Variants in EPHB1 observed in about 807,000 individuals in gnomAD.
The protein encoded by EPHB1 is EPH receptor B1, also known as ephrin type-B receptor 1.
Under a neutral mutation model 94.4 loss-of-function variants are expected in EPHB1, and 30 were observed. That is an observed-to-expected ratio of 0.32 (90% CI 0.24 to 0.43). The LOEUF is 0.43. Ranked by LOEUF, EPHB1 falls within the 20% of genes least tolerant of loss-of-function variation. The pLI is 1.00. For synonymous variants in EPHB1, 522 were observed against 489.1 expected (o/e 1.07, Z -0.89); for missense variants, 1,055 against 1,308.3 (o/e 0.81, Z 2.99).
Position 135,097,617 on chromosome 3 carries a change from C to A in EPHB1, c.806-8831C>A, listed in dbSNP as rs1435282548. On this transcript the variant is annotated intron_variant, in intron 3 of 15. Transcript: ENST00000398015. ...GCTACTGCTACTGCTGTCTGAACAA[C>A]TTAATAGCACAGTAAGTTACAGTCT... 3.3e-5 allele frequency among the ~76,000 whole-genome samples: 5 copies of A among 152,208 alleles called. No homozygotes were observed. The East Asian group carries it at 7.7e-4, about 23-fold the overall frequency.
chr3:134,930,719 A>G (rs1029819937), intron 2 of EPHB1, among the ~76,000 whole-genome samples: 1 of 151,558 alleles, frequency 6.6e-6, no homozygotes, highest in South Asian at 2.1e-4. Context: ...TGGCCTCCCT[A>G]CTCTGTTCCT....
At chr3:135,035,601 C>T (rs1936619154) in intron 3 of EPHB1, among the ~76,000 whole-genome samples, 1 of 152,102 alleles carries the variant, frequency 6.6e-6, no homozygotes, top group African/African-American at 2.4e-5. Flanking sequence ...CTTGGAATCC[C>T]ACCAGGACCC....
intron 2 of EPHB1, among the ~76,000 whole-genome samples, chr3:134,947,399 A>C (rs2039235381): frequency 6.6e-6 from 1 of 152,162 alleles, no homozygotes; most frequent in African/African-American, 2.4e-5. Context: ...TATTTCTTCA[A>C]CCCCTACAGA....
At chr3:134,814,520 G>T (rs1355251221) in intron 1 of EPHB1, among the ~76,000 whole-genome samples, 1 of 152,208 alleles carries the variant, frequency 6.6e-6, no homozygotes, top group African/African-American at 2.4e-5. Flanking sequence ...CTTCCTGGAG[G>T]AGGAGGTACC....
intron 5 of EPHB1, 134 bp from the exon 6 acceptor site, chr3:135,154,018 C>T: frequency 1.6e-6 from 2 of 1,241,008 alleles, no homozygotes; most frequent in Non-Finnish European, 1.1e-6. Flanking sequence ...TCTGCAGGTC[C>T]AGCTCAGCTG....
At chr3:135,013,098 A>G (rs955395066) in intron 3 of EPHB1, among the ~76,000 whole-genome samples, 1 of 152,222 alleles carries the variant, frequency 6.6e-6, no homozygotes, top group Non-Finnish European at 1.5e-5. Context: ...CCACCTTTAC[A>G]CTACTTACGA....
chr3:135,255,160 C>A (rs570910959), intron 15 of EPHB1, among the ~76,000 whole-genome samples: 1 of 151,848 alleles, frequency 6.6e-6, no homozygotes, highest in African/African-American at 2.4e-5. Flanking sequence ...TTTCAAAAAA[C>A]CAGCTCCTGG....
At chr3:134,859,401 A>T (rs4955507) in intron 1 of EPHB1, among the ~76,000 whole-genome samples, 3 of 152,184 alleles carry the variant, frequency 2.0e-5, no homozygotes, top group African/African-American at 7.2e-5. Context: ...GGGAGCAGAA[A>T]GAGATTTCTA....
chr3:134,866,145 A>C (rs562553582), intron 1 of EPHB1, among the ~76,000 whole-genome samples: 49 of 152,338 alleles, frequency 3.2e-4, no homozygotes, highest in Middle Eastern at 3.4e-3. Flanking sequence ...AGGGAAGGTC[A>C]GCCTTGGACA....
intron 15 of EPHB1, among the ~76,000 whole-genome samples, chr3:135,253,035 T>C (rs1348879527): frequency 5.3e-5 from 8 of 150,376 alleles, no homozygotes; most frequent in African/African-American, 1.7e-4. Flanking sequence ...TGTCTGTTCA[T>C]GTCCTTTGCC....
intron 1 of EPHB1, among the ~76,000 whole-genome samples, chr3:134,846,557 C>G (rs540287852): frequency 1.3e-5 from 2 of 152,276 alleles, no homozygotes; most frequent in Admixed American, 1.3e-4. Context: ...GATGCCTGTT[C>G]GGTGGTAAAA....
chr3:134,959,600 C>T (rs1306381573), intron 3 of EPHB1, among the ~76,000 whole-genome samples: 1 of 152,160 alleles, frequency 6.6e-6, no homozygotes, highest in Non-Finnish European at 1.5e-5. Context: ...GACTCCATGT[C>T]CACTATCACC....
At chr3:134,973,966 A>G (rs991100350) in intron 3 of EPHB1, among the ~76,000 whole-genome samples, 2 of 152,292 alleles carry the variant, frequency 1.3e-5, no homozygotes, top group South Asian at 4.1e-4. Flanking sequence ...CAAGAGGAGC[A>G]TGTCTGCAGG....
intron 3 of EPHB1, among the ~76,000 whole-genome samples, chr3:135,008,677 C>T (rs1373786634): frequency 6.6e-6 from 1 of 152,156 alleles, no homozygotes; most frequent in Non-Finnish European, 1.5e-5. Flanking sequence ...AATAATCTGT[C>T]TCAAAGGGTG....
chr3:134,796,843 C>T (rs2035838691), intron 1 of EPHB1, among the ~76,000 whole-genome samples: 1 of 152,274 alleles, frequency 6.6e-6, no homozygotes, highest in Non-Finnish European at 1.5e-5. Flanking sequence ...GGAGGAGCAG[C>T]TCTTGGCGAC....
intron 1 of EPHB1, among the ~76,000 whole-genome samples, chr3:134,902,384 G>T (rs1471573490): frequency 2.0e-5 from 3 of 152,198 alleles, no homozygotes; most frequent in Non-Finnish European, 2.9e-5. Flanking sequence ...GAGATGGGAA[G>T]TGGTCTCCAA....
At chr3:134,833,204 G>A (rs2036608938) in intron 1 of EPHB1, among the ~76,000 whole-genome samples, 1 of 152,176 alleles carries the variant, frequency 6.6e-6, no homozygotes, top group Non-Finnish European at 1.5e-5. Flanking sequence ...CATAAGTGAG[G>A]ACTTAGGGAC....
chr3:135,062,197 G>A (rs1320271921), intron 3 of EPHB1, among the ~76,000 whole-genome samples: 2 of 152,106 alleles, frequency 1.3e-5, no homozygotes, highest in Non-Finnish European at 2.9e-5. Context: ...TTTCCTTGGG[G>A]TAGATATCCA....
Position 135,171,647 on chromosome 3 carries a change from A to C in EPHB1, c.1759+4641A>C, listed in dbSNP as rs78532366. On this transcript the variant is annotated intron_variant, in intron 9 of 15. Coordinates refer to ENST00000398015, the MANE Select transcript of EPHB1 (RefSeq NM_004441.5). ...TAAAGCAGTGCAAATAGGAGACCTA[A>C]CTTGCTGTTTATTTGTGTGAAAAAA... Among the ~76,000 whole-genome samples the C allele has an allele frequency of 3.7e-3, 556 of 152,328 alleles. 2 individuals carry two copies. The highest frequency in any genetic ancestry group is 0.013 in the African/African-American group (533 of 41,572).
Sources: gnomAD v4.1 joint callset for allele counts (sites outside exome capture counted in the v4.1 genomes callset) on GRCh38, gnomAD v4.1.1 for gene constraint, MANE v1.5 for transcripts, NCBI Gene and HGNC (gene_info 2026-07-23, HGNC 2026-07-21) for gene names.